Variants in GRM5 observed in about 807,000 individuals in gnomAD.
GRM5 encodes glutamate metabotropic receptor 5.
Under a neutral mutation model 83.1 loss-of-function variants are expected in GRM5, and 19 were observed. The ratio of observed to expected loss-of-function variants is 0.23; its 90% confidence interval spans 0.16 to 0.34. The LOEUF is 0.34. Ranked by LOEUF, GRM5 falls within the 10% of genes least tolerant of loss-of-function variation. The probability of loss-of-function intolerance (pLI) is 1.00; values close to 1 mark genes in which losing one functional copy is unlikely to be tolerated. For missense variants in GRM5, 1,160 were observed against 1,588.3 expected (o/e 0.73, Z 4.58); for synonymous variants, 675 against 633.6 (o/e 1.07, Z -0.98).
intron 3 of GRM5, among the ~76,000 whole-genome samples, chr11:88,757,027 T>G (rs1281151126): frequency 6.6e-6 from 1 of 151,992 alleles, no homozygotes; most frequent in Non-Finnish European, 1.5e-5. Context: ...AGAGAAAATC[T>G]TGAAAACAAT....
intron 2 of GRM5, among the ~76,000 whole-genome samples, chr11:89,021,835 C>G (rs1940992560): frequency 6.6e-6 from 1 of 152,178 alleles, no homozygotes; most frequent in African/African-American, 2.4e-5. Flanking sequence ...GTCATTCATT[C>G]ATTCAGAAGT....
chr11:88,894,248 T>C (rs1369390198), intron 2 of GRM5, among the ~76,000 whole-genome samples: 1 of 151,980 alleles, frequency 6.6e-6, no homozygotes, highest in Non-Finnish European at 1.5e-5. Flanking sequence ...ATAAGCCCTG[T>C]GTAAATCAGA....
At chr11:88,848,275 T>C (rs1293316842) in intron 3 of GRM5, among the ~76,000 whole-genome samples, 1 of 152,210 alleles carries the variant, frequency 6.6e-6, no homozygotes, top group Non-Finnish European at 1.5e-5. Context: ...AATATCATTT[T>C]TATTGAAGGA....
intron 7 of GRM5, among the ~76,000 whole-genome samples, chr11:88,583,065 A>G (rs148460189): frequency 6.6e-6 from 1 of 152,132 alleles, no homozygotes; most frequent in Non-Finnish European, 1.5e-5. Context: ...ATTGGAAATG[A>G]AAAGAAATCT....
At chr11:89,018,788 A>G (rs577266107) in intron 2 of GRM5, among the ~76,000 whole-genome samples, 1 of 152,318 alleles carries the variant, frequency 6.6e-6, no homozygotes, top group Admixed American at 6.5e-5. Flanking sequence ...TAAGAAAAAT[A>G]ATATTTTAAA....
Position 88,954,839 on chromosome 11 carries a change from T to C in GRM5, c.661+92373A>G, listed in dbSNP as rs1938560493. Among the ~76,000 whole-genome samples, 3 of 152,140 alleles carry C rather than the reference T, an allele frequency of 2.0e-5. No homozygotes were observed. The East Asian group carries it at 5.8e-4, about 29-fold the overall frequency. ...TTGTTCTAACCTTAAAGCCTGGTGG[T>C]AGGCATGGTACATTGTGGAACAGGT... On this transcript the variant is annotated intron_variant, in intron 2 of 9. Coordinates refer to ENST00000305447, the MANE Select transcript of GRM5 (RefSeq NM_001143831.3).
intron 8 of GRM5, among the ~76,000 whole-genome samples, chr11:88,555,196 A>G (rs796584659): frequency 2.0e-5 from 3 of 152,282 alleles, no homozygotes; most frequent in African/African-American, 7.2e-5. Context: ...TGAGCTTAGA[A>G]TATGTAAGTC....
intron 3 of GRM5, among the ~76,000 whole-genome samples, chr11:88,664,582 G>C (rs1461791719): frequency 6.6e-6 from 1 of 152,146 alleles, no homozygotes; most frequent in African/African-American, 2.4e-5. Flanking sequence ...CAGTAGCAGG[G>C]ACTACGGGTG....
Position 89,047,768 on chromosome 11 carries a change from G to C in GRM5, c.105C>G (p.Ile35Met), listed in dbSNP as rs138497785. ...GAACAGAAAAGAGAGCTCCAATAAT[G>C]ATGTCACCCGGCATGTGAGCCACCA... ...RRVVAHMPGDIIIGALFSVHH... is the reference protein window; with the variant it reads ...RRVVAHMPGDMIIGALFSVHH... Residue 35 changes from isoleucine to methionine, a missense_variant, in exon 2 of 10, where the codon ATC (isoleucine) becomes ATG (methionine). Coordinates refer to ENST00000305447, the MANE Select transcript of GRM5 (RefSeq NM_001143831.3). This position sits in a 1 kb window ranked among gnomAD's most constrained non-coding sequence, Gnocchi z 5.1. The C allele has an allele frequency of 1.2e-5, 20 of 1,613,908 alleles. No individual in the cohort carries two copies. In the African/African-American group the frequency reaches 2.7e-4, roughly 22 times the overall value.
chr11:88,953,024 G>A (rs570295938), intron 2 of GRM5, among the ~76,000 whole-genome samples: 7 of 152,238 alleles, frequency 4.6e-5, no homozygotes, highest in Admixed American at 3.9e-4. Context: ...TTAATGCAAT[G>A]AATAAAATGA....
At chr11:88,732,791 A>G (rs994696742) in intron 3 of GRM5, among the ~76,000 whole-genome samples, 4 of 151,994 alleles carry the variant, frequency 2.6e-5, no homozygotes, top group Non-Finnish European at 4.4e-5. Flanking sequence ...CCTTCCATCC[A>G]CTTGACTGTC....
At chr11:88,573,893 G>C in intron 7 of GRM5, among the ~76,000 whole-genome samples, 1 of 152,186 alleles carries the variant, frequency 6.6e-6, no homozygotes, top group African/African-American at 2.4e-5. Context: ...TCTGTGTCTA[G>C]TGTTCATATC....
Position 88,718,246 on chromosome 11 carries a change from T to A in GRM5, c.912-64843A>T, listed in dbSNP as rs536599569. ...TTTGCCTGCAATCACAAAACTGTAA[T>A]GTTTTTGAGAGCAAAGGTCATATCA... On this transcript the variant is annotated intron_variant, in intron 3 of 9. Coordinates refer to ENST00000305447, the MANE Select transcript of GRM5 (RefSeq NM_001143831.3). 2.6e-5 allele frequency among the ~76,000 whole-genome samples: 4 copies of A among 152,084 alleles called. No individual in the cohort carries two copies. The East Asian group carries it at 5.8e-4, about 22-fold the overall frequency.
rs574277251 is a variant in GRM5 at position 89,022,610 on chromosome 11, C to G, written c.661+24602G>C. Reference sequence around the variant, plus strand: ...GGGATTGCAGTGAGCCGAGATCGTGCCACTGCACTCTAGCCTGTGTGACAG... The same window carrying G: ...GGGATTGCAGTGAGCCGAGATCGTGGCACTGCACTCTAGCCTGTGTGACAG... On this transcript the variant is annotated intron_variant, in intron 2 of 9. Coordinates refer to ENST00000305447, the MANE Select transcript of GRM5 (RefSeq NM_001143831.3). Among the ~76,000 whole-genome samples, 6 of 152,216 alleles carry G rather than the reference C, an allele frequency of 3.9e-5. No homozygotes were observed. In the East Asian group the frequency reaches 1.2e-3, roughly 29 times the overall value.
chr11:88,928,043 G>A (rs1031055975), intron 2 of GRM5, among the ~76,000 whole-genome samples: 5 of 152,128 alleles, frequency 3.3e-5, no homozygotes, highest in African/African-American at 1.2e-4. Flanking sequence ...GTTATTACCA[G>A]GGGCTCATGA....
At chr11:89,049,149 C>T (rs1247290843) in intron 1 of GRM5, among the ~76,000 whole-genome samples, 1 of 152,136 alleles carries the variant, frequency 6.6e-6, no homozygotes, top group East Asian at 1.9e-4. Context: ...GTAATCAGTC[C>T]TCTAGCCCTG....
intron 8 of GRM5, among the ~76,000 whole-genome samples, chr11:88,543,630 A>T (rs1415029149): frequency 1.4e-5 from 2 of 143,386 alleles, no homozygotes; most frequent in African/African-American, 2.6e-5. Context: ...CCATCATGTT[A>T]TCCTTTTTTT....
intron 3 of GRM5, among the ~76,000 whole-genome samples, chr11:88,730,917 A>G (rs1034882807): frequency 6.6e-6 from 1 of 152,164 alleles, no homozygotes; most frequent in Non-Finnish European, 1.5e-5. Context: ...TACCTAATGT[A>G]GATGATGGGT....
chr11:88,643,862 A>G (rs1246382198), intron 4 of GRM5, among the ~76,000 whole-genome samples: 1 of 152,196 alleles, frequency 6.6e-6, no homozygotes. Context: ...GGCATAAAAG[A>G]TGGCAGAAGA....
Sources: allele counts gnomAD v4.1 joint callset (sites outside exome capture counted in the v4.1 genomes callset), GRCh38; gene constraint gnomAD v4.1.1; non-coding constraint Gnocchi (gnomAD v3.1); transcripts MANE v1.5; gene names NCBI Gene and HGNC (gene_info 2026-07-23, HGNC 2026-07-21).